Variants in KAZN observed in about 807,000 individuals in gnomAD.
KAZN encodes kazrin, periplakin interacting protein, also known as kazrin.
Under a neutral mutation model 87.4 loss-of-function variants are expected in KAZN, and 40 were observed. The ratio of observed to expected loss-of-function variants is 0.46; its 90% CI spans 0.36 to 0.60. The LOEUF (loss-of-function observed/expected upper bound fraction) is 0.60, where lower values mean the gene tolerates loss of function less well. Among genes scored for constraint, KAZN ranks in the 20% least tolerant of loss-of-function variants. The probability of loss-of-function intolerance (pLI) is 0.00; values close to 1 mark genes in which losing one functional copy is unlikely to be tolerated. For missense variants in KAZN, 898 were observed against 1,073.9 expected (o/e 0.84, Z 2.29); for synonymous variants, 466 against 458.3 (o/e 1.02, Z -0.22).
chr1:14,564,411 GT>G (rs1674426466), intron 2 of KAZN, among the ~76,000 whole-genome samples: 1 of 152,064 alleles, frequency 6.6e-6, no homozygotes, highest in African/African-American at 2.4e-5. Flanking sequence ...CACTGGGTAG[GT>G]TTTTTAATCT....
intron 1 of KAZN, among the ~76,000 whole-genome samples, chr1:13,992,794 A>G (rs67650375): frequency 0.15 from 22,597 of 152,094 alleles, 1,805 homozygotes; most frequent in Middle Eastern, 0.2. Context: ...TTCTGAACAT[A>G]TTAGAGGAGA....
At chr1:14,782,554 C>CAAAAAAAAAAAAAAAAAAA (rs71572122) in intron 1 of KAZN, among the ~76,000 whole-genome samples, 2 of 66,252 alleles carry the variant, frequency 3.0e-5, no homozygotes, top group Non-Finnish European at 2.7e-5. Flanking sequence ...CCTCAAAGAG[C>CAAAAAAAAAAAAAAAAAAA]AAAAAAAAAA....
At chr1:14,951,442 TGTC>T (rs886908423) in intron 1 of KAZN, among the ~76,000 whole-genome samples, 4 of 136,710 alleles carry the variant, frequency 2.9e-5, no homozygotes, top group Non-Finnish European at 5.0e-5. Context: ...ATTGTGTCTC[TGTC>T]TTTTTTTTTA....
intron 1 of KAZN, among the ~76,000 whole-genome samples, chr1:14,823,580 G>T (rs1030383222): frequency 6.6e-6 from 1 of 152,134 alleles, no homozygotes; most frequent in African/African-American, 2.4e-5. Context: ...GTCCTGAAAC[G>T]CAGGGGACAG....
At chr1:14,100,439 G>T (rs531912847) in intron 1 of KAZN, among the ~76,000 whole-genome samples, 50 of 152,308 alleles carry the variant, frequency 3.3e-4, no homozygotes, top group African/African-American at 1.2e-3. Context: ...TACAGCAAAA[G>T]GATCCGAAGC....
intron 1 of KAZN, among the ~76,000 whole-genome samples, chr1:14,812,007 A>C (rs1646425584): frequency 6.6e-6 from 1 of 152,112 alleles, no homozygotes; most frequent in Non-Finnish European, 1.5e-5. Context: ...TAACTGAAGA[A>C]CTTTTGTTTT....
At chr1:14,149,384 G>A (rs1645426137) in intron 1 of KAZN, among the ~76,000 whole-genome samples, 2 of 152,138 alleles carry the variant, frequency 1.3e-5, no homozygotes, top group Admixed American at 1.3e-4. Flanking sequence ...TGGGATTACA[G>A]GCGTGAGCCA....
intron 1 of KAZN, among the ~76,000 whole-genome samples, chr1:14,848,450 GAACAC>G (rs1649036082): frequency 6.6e-6 from 1 of 152,222 alleles, no homozygotes; most frequent in African/African-American, 2.4e-5. Flanking sequence ...AGGATGGGGT[GAACAC>G]AAGCTGGCAA....
chr1:14,760,339 G>A (rs1484373476), intron 1 of KAZN, among the ~76,000 whole-genome samples: 1 of 152,162 alleles, frequency 6.6e-6, no homozygotes, highest in Non-Finnish European at 1.5e-5. Context: ...CTTTTATTCA[G>A]CACTTCAATG....
chr1:14,180,874 C>A (rs1321765107), intron 2 of KAZN, among the ~76,000 whole-genome samples: 1 of 152,144 alleles, frequency 6.6e-6, no homozygotes, highest in Non-Finnish European at 1.5e-5. Context: ...AGTGAAAATC[C>A]ATTTACATAC....
chr1:14,082,921 C>T (rs144276204), intron 1 of KAZN, among the ~76,000 whole-genome samples: 99 of 152,312 alleles, frequency 6.5e-4, no homozygotes, highest in African/African-American at 2.3e-3. Flanking sequence ...AAGGGCCAGG[C>T]GTGGTGGCTC....
intron 2 of KAZN, among the ~76,000 whole-genome samples, chr1:14,502,363 A>G (rs528081832): frequency 6.6e-6 from 1 of 152,340 alleles, no homozygotes; most frequent in South Asian, 2.1e-4. Context: ...CTAGACCTGA[A>G]GGCAATAGTT....
At chr1:14,232,258 T>TGC (rs749523366) in intron 2 of KAZN, among the ~76,000 whole-genome samples, 20 of 152,316 alleles carry the variant, frequency 1.3e-4, no homozygotes, top group Non-Finnish European at 2.2e-4. Context: ...TGTGTGTGTG[T>TGC]GCGCATGTAT....
chr1:14,261,219 T>C (rs1650988375), intron 2 of KAZN, among the ~76,000 whole-genome samples: 2 of 152,160 alleles, frequency 1.3e-5, no homozygotes, highest in Non-Finnish European at 2.9e-5. Context: ...GGAATCTTGC[T>C]GGTCTGAGAC....
At chr1:15,107,020 A>G (rs902655602) in intron 13 of KAZN, among the ~76,000 whole-genome samples, 1 of 152,234 alleles carries the variant, frequency 6.6e-6, no homozygotes, top group African/African-American at 2.4e-5. Flanking sequence ...ACTAAAACAG[A>G]GTCAGGGACA....
At position 14,856,730 on chromosome 1, in the gene KAZN, C is replaced by G. The variant is rs1306217356; in HGVS notation, c.227-103954C>G. Among the ~76,000 whole-genome samples the G allele has an allele frequency of 6.6e-6, 1 of 152,186 alleles. No homozygotes were observed. The highest frequency in any genetic ancestry group is 1.5e-5 in the Non-Finnish European group (1 of 68,034). On this transcript the variant is annotated intron_variant, in intron 1 of 14. Transcript: ENST00000376030. This position sits in a 1 kb window ranked among gnomAD's most constrained non-coding sequence, Gnocchi z 5.2. Reference sequence around the variant, plus strand: ...TGTTTCCTAAATCTTGGATTATTCTCAAGGACAATGGCCATTATGTCCATT... The same window carrying G: ...TGTTTCCTAAATCTTGGATTATTCTGAAGGACAATGGCCATTATGTCCATT...
At chr1:14,238,172 C>T (rs1197248403) in intron 2 of KAZN, among the ~76,000 whole-genome samples, 1 of 152,108 alleles carries the variant, frequency 6.6e-6, no homozygotes, top group Non-Finnish European at 1.5e-5. Flanking sequence ...CTTGTAAGGC[C>T]ATTTTTGAGG....
chr1:14,380,293 A>T (rs952277350), intron 2 of KAZN, among the ~76,000 whole-genome samples: 1 of 152,182 alleles, frequency 6.6e-6, no homozygotes, highest in African/African-American at 2.4e-5. Context: ...ATAAATACCT[A>T]ACTCTTCAAT....
At chr1:14,054,811 G>C (rs61777743) in intron 1 of KAZN, among the ~76,000 whole-genome samples, 30,787 of 152,156 alleles carry the variant, frequency 0.2, 3,208 homozygotes, top group Middle Eastern at 0.3. Flanking sequence ...AAATGTGTAT[G>C]AGAAGTGGTG....
Sources: allele counts gnomAD v4.1 joint callset (sites outside exome capture counted in the v4.1 genomes callset), GRCh38; gene constraint gnomAD v4.1.1; non-coding constraint Gnocchi (gnomAD v3.1); transcripts MANE v1.5; gene names NCBI Gene and HGNC (gene_info 2026-07-23, HGNC 2026-07-21).